The following B3GALT1 variants were observed in gnomAD, a reference collection of about 807,000 sequenced individuals.
B3GALT1 encodes UDP-Gal:betaGlcNAc beta 1,3-galactosyltransferase, polypeptide 1.
In B3GALT1, 10 loss-of-function variants were observed where a neutral mutation model predicts 23.2. The observed-to-expected ratio is 0.43, with a 90% CI of 0.27 to 0.73. The LOEUF is 0.73. Ranked by LOEUF, B3GALT1 falls within the 30% of genes least tolerant of loss-of-function variation. The pLI is 0.21. For missense variants in B3GALT1, 299 were observed against 405.4 expected, an observed-to-expected ratio of 0.74 and a Z score of 2.25; for synonymous variants, 156 against 141.5, an observed-to-expected ratio of 1.10 and a Z score of -0.73.
rs1404702586 is a variant in B3GALT1, at chr2:167,872,128, T to C, written c.*2108T>C. On this transcript the variant is annotated 3_prime_UTR_variant, in exon 5 of 5. Transcript: ENST00000392690. Reference sequence around the variant, plus strand: ...CGTGTTAGCCAGGATGGTCTCGATCTCCTGACCTCGTGATCCGCCCGCCTC... The same window carrying C: ...CGTGTTAGCCAGGATGGTCTCGATCCCCTGACCTCGTGATCCGCCCGCCTC... The C allele has an allele frequency of 1.3e-5, 2 of 151,822 alleles. No homozygotes were observed. The highest frequency in any genetic ancestry group is 2.9e-5 in the Non-Finnish European group (2 of 67,952). The allele number at this position is 151,822 out of a possible 1,614,324, so 9.4% of individuals were successfully genotyped here.
At chr2:167,802,234 G>A (rs1383200528) in intron 3 of B3GALT1, among the ~76,000 whole-genome samples, 1 of 152,146 alleles carries the variant, frequency 6.6e-6, no homozygotes, top group Non-Finnish European at 1.5e-5. Flanking sequence ...CTTAGCATGT[G>A]GTGAACATGA....
chr2:167,305,603 C>A (rs1408254715), intron 1 of B3GALT1, among the ~76,000 whole-genome samples: 1 of 152,030 alleles, frequency 6.6e-6, no homozygotes, highest in Admixed American at 6.6e-5. Flanking sequence ...TCTTCAGTTG[C>A]ACGGTTAATA....
At chr2:167,697,369 TG>T (rs1686804555) in intron 3 of B3GALT1, among the ~76,000 whole-genome samples, 1 of 152,210 alleles carries the variant, frequency 6.6e-6, no homozygotes, top group Non-Finnish European at 1.5e-5. Flanking sequence ...GCTCCACACC[TG>T]GGCTGTGATG....
At chr2:167,714,834 A>G in intron 3 of B3GALT1, 2 of 1,610,860 alleles carry the variant, frequency 1.2e-6, no homozygotes, top group South Asian at 2.2e-5. Flanking sequence ...AGCTTCTCTT[A>G]TTCCTCTATC....
intron 2 of B3GALT1, among the ~76,000 whole-genome samples, chr2:167,526,085 A>G (rs139002796): frequency 0.011 from 1,698 of 152,098 alleles, 17 homozygotes; most frequent in Middle Eastern, 0.02. Context: ...GGTTCCCTTT[A>G]TTGGAGAATG....
chr2:167,785,576 G>A (rs1247652753), intron 3 of B3GALT1, among the ~76,000 whole-genome samples: 1 of 152,156 alleles, frequency 6.6e-6, no homozygotes, highest in African/African-American at 2.4e-5. Flanking sequence ...TTCAGTGATG[G>A]ACACCGTGGT....
rs772242811 is a variant in B3GALT1 at position 167,415,185 on chromosome 2, G to A, written c.-510-74992G>A. On this transcript the variant is annotated intron_variant, in intron 1 of 4. Coordinates refer to ENST00000392690, the MANE Select transcript of B3GALT1 (RefSeq NM_020981.4). The stretch of plus-strand genomic sequence containing the variant: ...CAAGTGGGGCCTTGAAGAAGTCATT[G>A]GGTCCTGAAAGTGCTGCCTTCATGA... Among the ~76,000 whole-genome samples the A allele has an allele frequency of 3.3e-5, 5 of 152,278 alleles. No homozygotes were observed. The South Asian group carries it at 1.0e-3, about 32-fold the overall frequency.
intron 1 of B3GALT1, among the ~76,000 whole-genome samples, chr2:167,450,406 A>G (rs1699071108): frequency 6.6e-6 from 1 of 152,132 alleles, no homozygotes; most frequent in African/African-American, 2.4e-5. Flanking sequence ...GCCTTGAATG[A>G]TCTTTGGTTT....
chr2:167,774,449 C>A (rs1688122818), intron 3 of B3GALT1, among the ~76,000 whole-genome samples: 1 of 136,188 alleles, frequency 7.3e-6, no homozygotes, highest in East Asian at 2.0e-4. Context: ...ATACCTGCTT[C>A]TGTAGTTTTT....
chr2:167,451,065 T>C (rs1280311122), intron 1 of B3GALT1, among the ~76,000 whole-genome samples: 1 of 152,090 alleles, frequency 6.6e-6, no homozygotes, highest in African/African-American at 2.4e-5. Flanking sequence ...TTATTTATGT[T>C]ATTTCCCTGA....
chr2:167,632,709 T>C (rs558969485), intron 2 of B3GALT1, among the ~76,000 whole-genome samples: 1 of 152,180 alleles, frequency 6.6e-6, no homozygotes, highest in South Asian at 2.1e-4. Context: ...CTTTGTGAGA[T>C]GGACAGATTG....
At chr2:167,366,410 A>C (rs1403481874) in intron 1 of B3GALT1, among the ~76,000 whole-genome samples, 1 of 152,182 alleles carries the variant, frequency 6.6e-6, no homozygotes, top group East Asian at 1.9e-4. Context: ...ATGTCACTTG[A>C]TCTGTACAAC....
At chr2:167,858,426 G>A (rs895184265) in intron 4 of B3GALT1, among the ~76,000 whole-genome samples, 3 of 150,546 alleles carry the variant, frequency 2.0e-5, no homozygotes, top group Non-Finnish European at 4.4e-5. Context: ...ACATCTTATA[G>A]GCAATCCTCT....
chr2:167,626,763 C>A (rs1305666700), intron 2 of B3GALT1, among the ~76,000 whole-genome samples: 1 of 151,634 alleles, frequency 6.6e-6, no homozygotes, highest in Non-Finnish European at 1.5e-5. Flanking sequence ...CTGTAAGATG[C>A]TAATAGGAAA....
intron 2 of B3GALT1, among the ~76,000 whole-genome samples, chr2:167,602,088 TA>T (rs1359192457): frequency 6.6e-6 from 1 of 152,186 alleles, no homozygotes; most frequent in Non-Finnish European, 1.5e-5. Flanking sequence ...CACAATTTTT[TA>T]AAACATTGAT....
chr2:167,491,704 A>G (rs558547701), intron 2 of B3GALT1, among the ~76,000 whole-genome samples: 2 of 151,380 alleles, frequency 1.3e-5, no homozygotes, highest in South Asian at 2.1e-4. Context: ...GGTCTCAGCT[A>G]CTCGGGAGGC....
At chr2:167,505,583 G>A (rs1419800892) in intron 2 of B3GALT1, among the ~76,000 whole-genome samples, 1 of 152,166 alleles carries the variant, frequency 6.6e-6, no homozygotes, top group Non-Finnish European at 1.5e-5. Flanking sequence ...GAAAGCTTAT[G>A]CAGTTGATCA....
chr2:167,852,760 A>G (rs1689928797), intron 4 of B3GALT1, among the ~76,000 whole-genome samples: 1 of 152,194 alleles, frequency 6.6e-6, no homozygotes, highest in South Asian at 2.1e-4. Context: ...ACTCTAGAAT[A>G]TAGTCCACTT....
intron 3 of B3GALT1, among the ~76,000 whole-genome samples, chr2:167,798,327 G>A (rs753277545): frequency 1.1e-4 from 16 of 152,030 alleles, no homozygotes; most frequent in South Asian, 2.1e-4. Flanking sequence ...TGTTGCCATC[G>A]CTTTTGGTGT....
Sources: allele counts gnomAD v4.1 joint callset (sites outside exome capture counted in the v4.1 genomes callset), GRCh38; gene constraint gnomAD v4.1.1; transcripts MANE v1.5; gene names NCBI Gene and HGNC (gene_info 2026-07-23, HGNC 2026-07-21).